Variants in NALCN observed in about 807,000 individuals in gnomAD.
NALCN encodes sodium leak channel NALCN.
Under a neutral mutation model 225.3 loss-of-function variants are expected in NALCN, and 111 were observed. That is an observed-to-expected ratio of 0.49 (90% CI 0.42 to 0.58). NALCN has a LOEUF of 0.58. Among genes scored for constraint, NALCN ranks in the 20% least tolerant of loss-of-function variants. NALCN has a pLI of 0.00. For synonymous variants in NALCN, 764 were observed against 769.0 expected (o/e 0.99, Z 0.11); for missense variants, 1,378 against 2,202.4 (o/e 0.63, Z 7.49).
intron 3 of NALCN, among the ~76,000 whole-genome samples, chr13:101,394,930 A>C (rs2047245247): frequency 6.6e-6 from 1 of 152,236 alleles, no homozygotes; most frequent in Admixed American, 6.5e-5. Context: ...TCACACAGTC[A>C]TTAGTCAAAC....
At chr13:101,360,326 C>T (rs1392896232) in intron 6 of NALCN, among the ~76,000 whole-genome samples, 6 of 151,560 alleles carry the variant, frequency 4.0e-5, no homozygotes, top group East Asian at 2.0e-4. Context: ...CCTCACCTCC[C>T]GGCTCCAACG....
intron 11 of NALCN, among the ~76,000 whole-genome samples, chr13:101,248,900 T>TTGATATGTCATA (rs2041979254): frequency 6.6e-6 from 1 of 152,156 alleles, no homozygotes; most frequent in African/African-American, 2.4e-5. Context: ...TTTTAGCCTG[T>TTGATATGTCATA]TGATATGTCA....
At chr13:101,148,601 A>C (rs2037474999) in intron 15 of NALCN, among the ~76,000 whole-genome samples, 1 of 152,194 alleles carries the variant, frequency 6.6e-6, no homozygotes, top group Admixed American at 6.5e-5. Flanking sequence ...CTTGCACAAC[A>C]GTTCTCTTTT....
chr13:101,114,018 G>A (rs904314706), intron 18 of NALCN, among the ~76,000 whole-genome samples: 5 of 152,136 alleles, frequency 3.3e-5, no homozygotes, highest in African/African-American at 1.2e-4. Flanking sequence ...TGGGGACTGT[G>A]TGACCCCATC....
At chr13:101,395,549 T>C (rs1411506244) in intron 2 of NALCN, among the ~76,000 whole-genome samples, 184 bp from the exon 3 acceptor site, 1 of 152,200 alleles carries the variant, frequency 6.6e-6, no homozygotes, top group African/African-American at 2.4e-5. Flanking sequence ...CGTTTTTATA[T>C]CATTTAATTC....
At chr13:101,107,421 T>C (rs1465321469) in intron 22 of NALCN, 66 bp downstream of exon 22, 6 of 1,606,348 alleles carry the variant, frequency 3.7e-6, no homozygotes, top group African/African-American at 2.7e-5. Flanking sequence ...TTCTTCTTCA[T>C]ATGACAACAC....
At chr13:101,075,982 A>G (rs1413823286) in intron 34 of NALCN, 41 bp from the exon 35 acceptor site, 4 of 1,565,288 alleles carry the variant, frequency 2.6e-6, no homozygotes, top group Non-Finnish European at 3.5e-6. Context: ...AATTTGCACA[A>G]AAGATCTTGT....
chr13:101,256,826 C>T (rs1303447435), intron 11 of NALCN, among the ~76,000 whole-genome samples: 4 of 144,180 alleles, frequency 2.8e-5, no homozygotes, highest in South Asian at 4.3e-4. Context: ...TTCAGTGGTG[C>T]GCTCTTGGCT....
At chr13:101,372,806 T>C (rs568874398) in intron 6 of NALCN, among the ~76,000 whole-genome samples, 67 of 151,510 alleles carry the variant, frequency 4.4e-4, no homozygotes, top group South Asian at 2.1e-4. Context: ...AAACAAAAAC[T>C]AAAAAGCAGA....
In NALCN at chr13:101,089,576, C is replaced by A; in HGVS notation, c.3489+87G>T. ...GTCACATTACAGTTTAAAGCGGCTT[C>A]ACGCCGCGTGTGAAAAGAAACAAAT... On this transcript the variant is annotated intron_variant, in intron 30 of 43. Coordinates refer to ENST00000251127, the MANE Select transcript of NALCN (RefSeq NM_052867.4). The surrounding 1 kb of genome is among the most constrained non-coding windows in gnomAD (Gnocchi z 4.7). The A allele has an allele frequency of 8.4e-7, 1 of 1,187,218 alleles. No individual in the cohort carries two copies. Among genetic ancestry groups the A allele is most frequent in the Non-Finnish European group, 1.2e-6 (1 of 818,152 alleles). The allele number at this position is 1,187,218 out of a possible 1,614,324, so 73.5% of individuals were successfully genotyped here. A position where few individuals can be genotyped will look rare whatever the true frequency, so the allele number is the denominator to read the frequency against.
At chr13:101,180,159 A>C (rs959249239) in intron 14 of NALCN, among the ~76,000 whole-genome samples, 2 of 145,562 alleles carry the variant, frequency 1.4e-5, no homozygotes, top group African/African-American at 5.1e-5. Flanking sequence ...CCATGGTCCT[A>C]TCTTTTGTAG....
At chr13:101,207,995 T>C (rs539601964) in intron 13 of NALCN, among the ~76,000 whole-genome samples, 1 of 151,042 alleles carries the variant, frequency 6.6e-6, no homozygotes, top group South Asian at 2.1e-4. Context: ...AGGCGCTGCC[T>C]TTATGAGCTG....
At chr13:101,414,014 T>A (rs2047860823) in intron 1 of NALCN, among the ~76,000 whole-genome samples, 1 of 151,548 alleles carries the variant, frequency 6.6e-6, no homozygotes, top group Admixed American at 6.6e-5. Flanking sequence ...GCCTCCCAAG[T>A]AACTGGGGCT....
chr13:101,085,454 T>A (rs1289573), intron 30 of NALCN, among the ~76,000 whole-genome samples: 111,176 of 151,902 alleles, frequency 0.73, 41,279 homozygotes, highest in African/African-American at 0.82. Context: ...TACAGCTAGA[T>A]TGGAGGAATA....
At position 101,068,827 on chromosome 13, in the gene NALCN, C is replaced by A. The variant is rs771656968; in HGVS notation, c.4198G>T (p.Val1400Phe). The A allele has an allele frequency of 4.4e-6, 7 of 1,602,856 alleles. No individual in the cohort carries two copies. Among genetic ancestry groups the A allele is most frequent in the African/African-American group, 4.0e-5 (3 of 74,520 alleles). ...TCTGGAGTACAAAACGGAGGCTGAACCTTTGGGGCATTGGGGTGGAAGAAG... is the reference window on the plus strand; with the variant it reads ...TCTGGAGTACAAAACGGAGGCTGAAACTTTGGGGCATTGGGGTGGAAGAAG... ...DWNKIMHDCM[V>F]QPPFCTPDEF... The change falls in exon 38 of 44, where the codon GTT (valine) becomes TTT (phenylalanine). Residue 1400 changes from valine to phenylalanine, a missense_variant and splice_region_variant. Around this residue, in one of 19 missense-constraint regions of NALCN, gnomAD observed 76 missense variants for 118.7 expected, o/e 0.64. Coordinates refer to ENST00000251127, the MANE Select transcript of NALCN (RefSeq NM_052867.4).
chr13:101,253,323 G>A (rs2042117106), intron 11 of NALCN, among the ~76,000 whole-genome samples: 1 of 152,084 alleles, frequency 6.6e-6, no homozygotes, highest in Non-Finnish European at 1.5e-5. Context: ...GGCTCTTAAT[G>A]GGTAAAGTGC....
intron 5 of NALCN, 28 bp downstream of exon 5, chr13:101,376,889 T>C (rs1169174366): frequency 6.8e-6 from 11 of 1,613,784 alleles, no homozygotes; most frequent in Non-Finnish European, 8.5e-6. Context: ...AAACTTTTCC[T>C]CTTAACTTAT....
intron 15 of NALCN, among the ~76,000 whole-genome samples, chr13:101,162,392 G>A (rs1426179380): frequency 6.6e-6 from 1 of 152,186 alleles, no homozygotes; most frequent in South Asian, 2.1e-4. Flanking sequence ...GCTTCCAGAA[G>A]AACGGAAAAG....
At chr13:101,058,268 T>C (rs749939719) in intron 42 of NALCN, 1 of 527,888 alleles carries the variant, frequency 1.9e-6, no homozygotes, top group Non-Finnish European at 3.3e-6. Context: ...GACACCACTC[T>C]TCCTGGGACA....
Sources: allele counts gnomAD v4.1 joint callset (sites outside exome capture counted in the v4.1 genomes callset), GRCh38; gene constraint gnomAD v4.1.1; regional missense constraint gnomAD v4.1.1; non-coding constraint Gnocchi (gnomAD v3.1); transcripts MANE v1.5; gene names NCBI Gene and HGNC (gene_info 2026-07-23, HGNC 2026-07-21).